The following CCDC70 variants were observed in gnomAD, a reference collection of about 807,000 sequenced individuals.
The protein encoded by CCDC70 is coiled-coil domain-containing protein 70.
A neutral mutation model predicts 9.1 loss-of-function variants in CCDC70; 4 were observed. That is an observed-to-expected ratio of 0.44 (90% CI 0.22 to 1.00). The LOEUF (loss-of-function observed/expected upper bound fraction) is 1.00, where lower values mean the gene tolerates loss of function less well. Ranked by LOEUF, CCDC70 falls within the 50% of genes least tolerant of loss-of-function variation. The pLI is 0.25. For missense variants in CCDC70, 308 were observed against 271.3 expected (o/e 1.14, Z -0.95); for synonymous variants, 119 against 94.0 (o/e 1.27, Z -1.54).
intron 1 of CCDC70, among the ~76,000 whole-genome samples, 182 bp downstream of exon 1, chr13:51,862,411 T>A (rs543872679): frequency 2.0e-5 from 3 of 152,372 alleles, no homozygotes; most frequent in East Asian, 1.9e-4. Context: ...TACTTTATAT[T>A]TTAATACACA....
rs757478790 is a variant in CCDC70 at position 51,865,401 on chromosome 13, T to C, written c.-11T>C. 3.1e-6 allele frequency: 5 copies of C among 1,602,038 alleles called. No individual in the cohort carries two copies. The East Asian group carries it at 1.1e-4, about 36-fold the overall frequency. On this transcript the variant is annotated 5_prime_UTR_variant, in exon 2 of 2. Transcript: ENST00000242819. ...CTCATGGCCACCCCGCCATTCCGGCTGATAAGGAAGATGTTTTCCTTCAAG... is the reference window on the plus strand; with the variant it reads ...CTCATGGCCACCCCGCCATTCCGGCCGATAAGGAAGATGTTTTCCTTCAAG...
chr13:51,864,553 A>G (rs1380359094), intron 1 of CCDC70, among the ~76,000 whole-genome samples: 1 of 152,222 alleles, frequency 6.6e-6, no homozygotes, highest in Non-Finnish European at 1.5e-5. Flanking sequence ...GTAGGCAGCC[A>G]TGCTGTCTGC....
chr13:51,863,645 CTG>C (rs1253012785), intron 1 of CCDC70, among the ~76,000 whole-genome samples: 6 of 150,792 alleles, frequency 4.0e-5, no homozygotes, highest in Non-Finnish European at 8.8e-5. Flanking sequence ...AGCCTAGCCA[CTG>C]TGTCTTCATA....
chr13:51,865,317 C>A lies in CCDC70; in HGVS notation c.-80-15C>A. ...TGTGATACTCATAGATCTGTCTTTT[C>A]TGCTGCCCCCACAGGGTCTGACCAG... On this transcript the variant is annotated splice_polypyrimidine_tract_variant and intron_variant, in intron 1 of 1. Transcript: ENST00000242819. 1.4e-6 allele frequency: 2 copies of A among 1,391,070 alleles called. No homozygotes were observed. The highest frequency in any genetic ancestry group is 1.4e-5 in the African/African-American group (1 of 69,142). The allele number at this position is 1,391,070 out of a possible 1,614,324, so 86.2% of individuals were successfully genotyped here.
chr13:51,863,948 C>G (rs1956400942), intron 1 of CCDC70, among the ~76,000 whole-genome samples: 1 of 152,156 alleles, frequency 6.6e-6, no homozygotes, highest in Non-Finnish European at 1.5e-5. Flanking sequence ...GCACTCTAAC[C>G]ACCTTCCTAT....
chr13:51,862,525 G>A (rs943917206), intron 1 of CCDC70, among the ~76,000 whole-genome samples: 1 of 152,188 alleles, frequency 6.6e-6, no homozygotes, highest in African/African-American at 2.4e-5. Context: ...TCCTAACCCA[G>A]TAGACGCCCA....
At position 51,864,776 on chromosome 13, in the gene CCDC70, A is replaced by G. The variant is rs1274089020; in HGVS notation, c.-80-556A>G. Among the ~76,000 whole-genome samples, 5 of 152,114 alleles carry G rather than the reference A, an allele frequency of 3.3e-5. No individual in the cohort carries two copies. In the East Asian group the frequency reaches 9.6e-4, roughly 29 times the overall value. On this transcript the variant is annotated intron_variant, in intron 1 of 1. Transcript: ENST00000242819. ...GTTCCATATTACTAAATATTGTGTG[A>G]GGGCCTTCTTGGTCCATGTCCCTGG... is the stretch of plus-strand genomic sequence containing the variant.
In CCDC70 at chr13:51,862,241, T is replaced by C. The variant is rs993098672; in HGVS notation, c.-81+12T>C. On this transcript the variant is annotated intron_variant, in intron 1 of 1. Transcript: ENST00000242819. The stretch of plus-strand genomic sequence containing the variant: ...GAAGCAGCTAAGCAGTAAGTAACTG[T>C]TGGCTTTAGACTGTATAGTATTTGT... 6.6e-6 allele frequency: 1 copy of C among 152,234 alleles called. No homozygotes were observed. The highest frequency in any genetic ancestry group is 2.4e-5 in the African/African-American group (1 of 41,460). 9.4% of individuals were successfully genotyped at this position (152,234 alleles called of 1,614,324 possible). A position where few individuals can be genotyped will look rare whatever the true frequency, so the allele number is the denominator to read the frequency against.
In CCDC70 at chr13:51,866,020, T is replaced by G. The variant is rs1265081339; in HGVS notation, c.609T>G (p.Asp203Glu). 2 of 1,610,460 alleles carry G rather than the reference T, an allele frequency of 1.2e-6. No homozygotes were observed. The highest frequency in any genetic ancestry group is 1.7e-6 in the Non-Finnish European group (2 of 1,178,714). ...TTGCCGGAGAGCAGATGCTCGAAGA[T>G]GGGCCCCACAACGCCAACAGAGGGC... ...GHIAGEQMLE[D>E]GPHNANRGQR... Residue 203 changes from aspartate to glutamate, a missense_variant, in exon 2 of 2, where the codon GAT becomes GAG. Physicochemically the swap from Asp to Glu is conservative, Grantham distance 45. Coordinates refer to ENST00000242819, the MANE Select transcript of CCDC70 (RefSeq NM_031290.4).
chr13:51,862,378 T>C (rs1316357082), intron 1 of CCDC70, 149 bp downstream of exon 1: 1 of 152,266 alleles, frequency 6.6e-6, no homozygotes, highest in African/African-American at 2.4e-5. Flanking sequence ...GCTATACAGA[T>C]ACACATCTAC....
intron 1 of CCDC70, among the ~76,000 whole-genome samples, chr13:51,863,521 G>C (rs1390928591): frequency 5.3e-5 from 8 of 152,104 alleles, no homozygotes; most frequent in Non-Finnish European, 7.4e-5. Context: ...ATCTCGGCTA[G>C]GAGGGCTTGA....
chr13:51,862,542 C>T (rs1409836468), intron 1 of CCDC70, among the ~76,000 whole-genome samples: 1 of 152,130 alleles, frequency 6.6e-6, no homozygotes, highest in Non-Finnish European at 1.5e-5. Flanking sequence ...CCCATTCATC[C>T]AGCTACTATT....
In CCDC70 at chr13:51,866,000, G is replaced by A. The variant is rs78877659; in HGVS notation, c.589G>A (p.Gly197Arg). 237 of 1,613,120 alleles carry A rather than the reference G, an allele frequency of 1.5e-4. No individual in the cohort carries two copies. The highest frequency in any genetic ancestry group is 1.0e-3 in the East Asian group (45 of 44,864). ...GATGGAGAACAATGGCCACATTGCC[G>A]GAGAGCAGATGCTCGAAGATGGGCC... is the stretch of plus-strand genomic sequence containing the variant. ...FWMENNGHIA[G>R]EQMLEDGPHN... Residue 197 changes from glycine to arginine, a missense_variant, in exon 2 of 2, where the codon GGA (glycine) becomes AGA (arginine). Gly to Arg is a moderately radical substitution (Grantham distance 125). Transcript: ENST00000242819.
intron 1 of CCDC70, among the ~76,000 whole-genome samples, chr13:51,864,158 A>G (rs1956402782): frequency 7.9e-6 from 1 of 126,350 alleles, no homozygotes; most frequent in Non-Finnish European, 1.6e-5. Context: ...TCTTCCTCCC[A>G]GCTTTTATTT....
intron 1 of CCDC70, among the ~76,000 whole-genome samples, chr13:51,864,210 C>G (rs553782879): frequency 1.1e-3 from 163 of 151,638 alleles, no homozygotes; most frequent in African/African-American, 3.8e-3. Context: ...CATAAAATAT[C>G]CATGTACCAC....
chr13:51,865,821 A>G lies in CCDC70; in HGVS notation c.410A>G (p.Asn137Ser). The change falls in exon 2 of 2, where the codon AAC (asparagine) becomes AGC (serine). Residue 137 changes from asparagine to serine, a missense_variant. Asn to Ser is a conservative substitution (Grantham distance 46). Coordinates refer to ENST00000242819, the MANE Select transcript of CCDC70 (RefSeq NM_031290.4). ...EDNALWERDRNLLQEDKALWE... is the reference protein window; with the variant it reads ...EDNALWERDRSLLQEDKALWE... ...AATGCCTTATGGGAAAGAGACCGGA[A>G]CCTTCTTCAGGAGGACAAGGCCCTG... is the stretch of plus-strand genomic sequence containing the variant. The G allele has an allele frequency of 2.5e-6, 4 of 1,614,220 alleles. No individual in the cohort carries two copies. Among genetic ancestry groups the G allele is most frequent in the Non-Finnish European group, 3.4e-6 (4 of 1,180,036 alleles).
chr13:51,865,457 C>A lies in CCDC70; in HGVS notation c.46C>A (p.Arg16=), dbSNP rs140119115. The A allele has an allele frequency of 6.2e-7, 1 of 1,614,104 alleles. No individual in the cohort carries two copies. Among genetic ancestry groups the A allele is most frequent in the East Asian group, 2.2e-5 (1 of 44,886 alleles). ...CAGATGGATGGGGCTTGCCTGCTTCCGGTCCCTGGCGGCATCCTCTCCCAG... is the reference window on the plus strand; with the variant it reads ...CAGATGGATGGGGCTTGCCTGCTTCAGGTCCCTGGCGGCATCCTCTCCCAG... ...VSRWMGLACF[R]SLAASSPSIR... Residue 16 remains arginine, a synonymous_variant, in exon 2 of 2, where the codon CGG becomes AGG. Transcript: ENST00000242819.
intron 1 of CCDC70, among the ~76,000 whole-genome samples, chr13:51,864,067 C>CTCCT (rs965286733): frequency 6.6e-6 from 1 of 151,580 alleles, no homozygotes; most frequent in Non-Finnish European, 1.5e-5. Context: ...GAAGATCTTT[C>CTCCT]TCCTTCCCTC....
At position 51,865,306 on chromosome 13, in the gene CCDC70, A is replaced by G. The variant is rs1463518578; in HGVS notation, c.-80-26A>G. 3 of 1,271,090 alleles carry G rather than the reference A, an allele frequency of 2.4e-6. No homozygotes were observed. In the African/African-American group the frequency reaches 4.5e-5, roughly 19 times the overall value. The allele number at this position is 1,271,090 out of a possible 1,614,324, so 78.7% of individuals were successfully genotyped here. A position where few individuals can be genotyped will look rare whatever the true frequency, so the allele number is the denominator to read the frequency against. ...GTCCCCTGGCATGTGATACTCATAG[A>G]TCTGTCTTTTCTGCTGCCCCCACAG... is the stretch of plus-strand genomic sequence containing the variant. On this transcript the variant is annotated intron_variant, in intron 1 of 1. Coordinates refer to ENST00000242819, the MANE Select transcript of CCDC70 (RefSeq NM_031290.4).
Sources: allele counts gnomAD v4.1 joint callset (sites outside exome capture counted in the v4.1 genomes callset), GRCh38; gene constraint gnomAD v4.1.1; transcripts MANE v1.5; gene names NCBI Gene and HGNC (gene_info 2026-07-23, HGNC 2026-07-21).